SUPT3H: variants seen among roughly 807,000 people sequenced by gnomAD.
The protein encoded by SUPT3H is SPT3 homolog, SAGA and STAGA complex component, also known as transcription initiation protein SPT3 homolog.
SUPT3H carries 44 observed loss-of-function variants against 44.3 expected under a neutral mutation model. The observed-to-expected ratio is 0.99, with a 90% CI of 0.78 to 1.28. The LOEUF (loss-of-function observed/expected upper bound fraction) is 1.28, where lower values mean the gene tolerates loss of function less well. Ranked by LOEUF, SUPT3H falls within the 50% of genes most tolerant of loss-of-function variation. SUPT3H has a pLI of 0.00. For synonymous variants in SUPT3H, 124 were observed against 125.6 expected (o/e 0.99, Z 0.09); for missense variants, 380 against 387.1 (o/e 0.98, Z 0.15).
intron 2 of SUPT3H, among the ~76,000 whole-genome samples, chr6:45,187,526 C>T (rs1814457938): frequency 6.6e-6 from 1 of 152,162 alleles, no homozygotes; most frequent in African/African-American, 2.4e-5. Context: ...TATCTTTTCT[C>T]TTGTTAATCT....
chr6:45,341,745 A>G (rs1455965028), intron 2 of SUPT3H, among the ~76,000 whole-genome samples: 1 of 152,236 alleles, frequency 6.6e-6, no homozygotes, highest in Non-Finnish European at 1.5e-5. Flanking sequence ...ACAAGTTCTC[A>G]GATTCTGGTA....
intron 2 of SUPT3H, among the ~76,000 whole-genome samples, chr6:45,128,825 A>G (rs1802957551): frequency 6.6e-6 from 1 of 151,458 alleles, no homozygotes; most frequent in African/African-American, 2.4e-5. Context: ...GGCTGGGATT[A>G]CACGCATGTG....
chr6:45,116,438 G>A (rs973779077), intron 2 of SUPT3H, among the ~76,000 whole-genome samples: 1 of 152,078 alleles, frequency 6.6e-6, no homozygotes, highest in African/African-American at 2.4e-5. Flanking sequence ...CATGTATTAA[G>A]TGCCAGGTAT....
intron 10 of SUPT3H, among the ~76,000 whole-genome samples, chr6:44,899,575 T>A (rs1764645630): frequency 6.6e-6 from 1 of 151,984 alleles, no homozygotes; most frequent in Non-Finnish European, 1.5e-5. Flanking sequence ...TAATCCCAGT[T>A]ACATGGGAGG....
intron 2 of SUPT3H, among the ~76,000 whole-genome samples, chr6:45,162,790 A>G (rs1416930475): frequency 1.3e-5 from 2 of 152,162 alleles, no homozygotes; most frequent in African/African-American, 4.8e-5. Context: ...TAATATATAA[A>G]TTATTTTCAT....
At chr6:44,834,268 A>G (rs1232554745) in intron 10 of SUPT3H, among the ~76,000 whole-genome samples, 1 of 152,216 alleles carries the variant, frequency 6.6e-6, no homozygotes, top group African/African-American at 2.4e-5. Flanking sequence ...GAGTAAATAA[A>G]TATTTCCTAA....
intron 7 of SUPT3H, among the ~76,000 whole-genome samples, chr6:44,956,454 A>G (rs1185992308): frequency 6.6e-5 from 9 of 136,086 alleles, no homozygotes; most frequent in Admixed American, 6.4e-4. Context: ...ACTGCACAAC[A>G]AGAGCGAAAC....
At chr6:44,854,702 C>T (rs1561893816) in intron 10 of SUPT3H, among the ~76,000 whole-genome samples, 1 of 152,104 alleles carries the variant, frequency 6.6e-6, no homozygotes, top group Admixed American at 6.6e-5. Flanking sequence ...ACCACAAACA[C>T]ATTAAAGTAA....
chr6:45,315,634 T>C (rs930181892), intron 2 of SUPT3H, among the ~76,000 whole-genome samples: 1 of 152,088 alleles, frequency 6.6e-6, no homozygotes, highest in Non-Finnish European at 1.5e-5. Context: ...ACAGTAGATG[T>C]TGGCATGGAT....
intron 2 of SUPT3H, among the ~76,000 whole-genome samples, chr6:45,263,259 T>C (rs1394154138): frequency 6.6e-6 from 1 of 152,040 alleles, no homozygotes; most frequent in Non-Finnish European, 1.5e-5. Flanking sequence ...GTGGCCTGGA[T>C]AAAGAAAATG....
chr6:45,014,763 T>G, intron 5 of SUPT3H, 38 bp downstream of exon 5: 3 of 1,413,844 alleles, frequency 2.1e-6, no homozygotes, highest in Non-Finnish European at 9.6e-7. Context: ...ACATGTGTCA[T>G]AAGCTCATGT....
intron 6 of SUPT3H, among the ~76,000 whole-genome samples, chr6:45,002,347 T>C (rs905236322): frequency 3.3e-5 from 5 of 151,984 alleles, no homozygotes; most frequent in African/African-American, 1.2e-4. Context: ...CCCTTTTAGG[T>C]AACAGGTTTG....
At chr6:45,075,719 C>T (rs1041389789) in intron 3 of SUPT3H, among the ~76,000 whole-genome samples, 22 of 152,026 alleles carry the variant, frequency 1.4e-4, no homozygotes, top group Non-Finnish European at 2.9e-5. Context: ...ATTTAACATA[C>T]ACGATATACC....
chr6:45,168,716 G>A (rs1009090440), intron 2 of SUPT3H, among the ~76,000 whole-genome samples: 1 of 152,140 alleles, frequency 6.6e-6, no homozygotes, highest in African/African-American at 2.4e-5. Flanking sequence ...GTTGGATTCT[G>A]GTTGTTTCCA....
chr6:45,040,061 A>T (rs1225310348), intron 3 of SUPT3H, among the ~76,000 whole-genome samples: 1 of 152,200 alleles, frequency 6.6e-6, no homozygotes, highest in East Asian at 1.9e-4. Flanking sequence ...TACCATCTGC[A>T]GCAGGGTTTG....
intron 2 of SUPT3H, among the ~76,000 whole-genome samples, chr6:45,352,249 T>C (rs1792224276): frequency 6.6e-6 from 1 of 152,124 alleles, no homozygotes; most frequent in Non-Finnish European, 1.5e-5. Context: ...ATTTCAGCCT[T>C]AGAAAATACA....
chr6:45,234,182 T>C (rs571038588), intron 2 of SUPT3H, among the ~76,000 whole-genome samples: 2 of 152,320 alleles, frequency 1.3e-5, no homozygotes, highest in Middle Eastern at 3.4e-3. Flanking sequence ...AATACTAACA[T>C]TATATTCAAT....
chr6:44,911,816 A>C (rs1249851449), intron 10 of SUPT3H, among the ~76,000 whole-genome samples: 5 of 152,232 alleles, frequency 3.3e-5, no homozygotes, highest in Non-Finnish European at 7.3e-5. Context: ...ATTTGTGAGC[A>C]TATTTGGAAC....
intron 2 of SUPT3H, among the ~76,000 whole-genome samples, chr6:45,288,727 T>C (rs1345045395): frequency 6.6e-6 from 1 of 150,932 alleles, no homozygotes; most frequent in Non-Finnish European, 1.5e-5. Context: ...GATACTTTAA[T>C]ATATTCTAAA....
Sources: allele counts gnomAD v4.1 joint callset (sites outside exome capture counted in the v4.1 genomes callset), GRCh38; gene constraint gnomAD v4.1.1; transcripts MANE v1.5; gene names NCBI Gene and HGNC (gene_info 2026-07-23, HGNC 2026-07-21).